MAML2: variants seen among roughly 807,000 people sequenced by gnomAD.
MAML2 encodes the protein mastermind like transcriptional coactivator 2, also known as mastermind-like protein 2.
In MAML2, 22 loss-of-function variants were observed where a neutral mutation model predicts 96.1. The observed-to-expected ratio is 0.23, with a 90% CI of 0.16 to 0.33. MAML2 has a LOEUF of 0.33. Ranked by LOEUF, MAML2 falls within the 10% of genes least tolerant of loss-of-function variation. MAML2 has a pLI of 1.00. For synonymous variants in MAML2, 561 were observed against 521.3 expected (o/e 1.08, Z -1.04); for missense variants, 1,367 against 1,392.4 (o/e 0.98, Z 0.29).
At chr11:96,002,108 C>A (rs1858087028) in intron 2 of MAML2, among the ~76,000 whole-genome samples, 1 of 152,112 alleles carries the variant, frequency 6.6e-6, no homozygotes, top group South Asian at 2.1e-4. Flanking sequence ...AGTACTGGCC[C>A]ATTAGGCAGC....
At chr11:96,116,912 G>A (rs1413403876) in intron 1 of MAML2, among the ~76,000 whole-genome samples, 1 of 152,196 alleles carries the variant, frequency 6.6e-6, no homozygotes, top group Non-Finnish European at 1.5e-5. Flanking sequence ...AAGCTAAGTA[G>A]CGTTTTATAA....
intron 1 of MAML2, among the ~76,000 whole-genome samples, chr11:96,094,383 G>A (rs1405312617): frequency 6.6e-6 from 1 of 152,132 alleles, no homozygotes; most frequent in Admixed American, 6.5e-5. Flanking sequence ...AGAAAATGGG[G>A]ACAATAGCAC....
intron 1 of MAML2, among the ~76,000 whole-genome samples, chr11:96,112,776 C>G (rs186764980): frequency 1.3e-5 from 2 of 152,312 alleles, no homozygotes; most frequent in African/African-American, 4.8e-5. Flanking sequence ...ACTGATAATA[C>G]AGGCTTGATT....
chr11:96,221,054 T>G (rs1209542394), intron 1 of MAML2, among the ~76,000 whole-genome samples: 1 of 152,220 alleles, frequency 6.6e-6, no homozygotes, highest in South Asian at 2.1e-4. Context: ...TATTGAGCAC[T>G]GAGGAGATGT....
intron 1 of MAML2, among the ~76,000 whole-genome samples, chr11:96,282,016 G>C (rs1037938528): frequency 6.6e-6 from 1 of 152,190 alleles, no homozygotes; most frequent in African/African-American, 2.4e-5. Context: ...TTGGGAGGCC[G>C]AGGCAGGCGG....
At position 96,342,250 on chromosome 11, in the gene MAML2, C is replaced by G. The variant is rs1864008506; in HGVS notation, c.-355G>C. On this transcript the variant is annotated 5_prime_UTR_variant, in exon 1 of 5. Transcript: ENST00000524717. Reference sequence around the variant, plus strand: ...ACTAGGTACTTTGTAAACACACGATCTGGGGGTTAGATCAAGAATTCAGGG... The same window carrying G: ...ACTAGGTACTTTGTAAACACACGATGTGGGGGTTAGATCAAGAATTCAGGG... 2.3e-6 allele frequency: 1 copy of G among 442,022 alleles called. No individual in the cohort carries two copies. Among genetic ancestry groups the G allele is most frequent in the Non-Finnish European group, 4.0e-6 (1 of 250,664 alleles). The allele number at this position is 442,022 out of a possible 1,614,324, so 27.4% of individuals were successfully genotyped here.
chr11:96,277,347 A>T (rs780914491), intron 1 of MAML2, among the ~76,000 whole-genome samples: 25 of 135,356 alleles, frequency 1.8e-4, no homozygotes, highest in Admixed American at 5.5e-4. Flanking sequence ...TGTCACCTCG[A>T]GTATTTACCA....
intron 1 of MAML2, among the ~76,000 whole-genome samples, chr11:96,170,411 GA>G (rs1299317285): frequency 1.3e-5 from 2 of 152,106 alleles, no homozygotes; most frequent in African/African-American, 4.8e-5. Flanking sequence ...TCATACCAGC[GA>G]AAAGCACAGA....
chr11:95,985,370 C>A (rs562440904), intron 4 of MAML2, among the ~76,000 whole-genome samples, 161 bp downstream of exon 4: 2 of 152,066 alleles, frequency 1.3e-5, no homozygotes, highest in Admixed American at 6.6e-5. Context: ...GATGAAAGGA[C>A]TAAAAAATAT....
chr11:96,069,221 T>A (rs1859299719), intron 2 of MAML2, among the ~76,000 whole-genome samples: 1 of 152,082 alleles, frequency 6.6e-6, no homozygotes, highest in Non-Finnish European at 1.5e-5. Flanking sequence ...AGCCACTGAG[T>A]CTGGCCTATT....
chr11:96,251,520 G>A (rs1311138631), intron 1 of MAML2, among the ~76,000 whole-genome samples: 1 of 152,164 alleles, frequency 6.6e-6, no homozygotes, highest in African/African-American at 2.4e-5. Flanking sequence ...GAAACTGCCT[G>A]TATTGTTATT....
At chr11:96,153,569 G>T (rs1860961688) in intron 1 of MAML2, among the ~76,000 whole-genome samples, 1 of 152,146 alleles carries the variant, frequency 6.6e-6, no homozygotes, top group African/African-American at 2.4e-5. Flanking sequence ...TTTACCCAAA[G>T]CAAGTGAGGT....
intron 2 of MAML2, among the ~76,000 whole-genome samples, chr11:96,059,568 T>C (rs953757847): frequency 6.6e-6 from 1 of 152,170 alleles, no homozygotes; most frequent in South Asian, 2.1e-4. Context: ...TTATCTGAAA[T>C]ACTAGGGACC....
In MAML2 at chr11:95,979,011, C is replaced by T. The variant is rs769776359; in HGVS notation, c.3408G>A (p.Glu1136=). 1.1e-5 allele frequency: 17 copies of T among 1,613,806 alleles called. No homozygotes were observed. The highest frequency in any genetic ancestry group is 1.4e-5 in the Non-Finnish European group (16 of 1,179,876). ...ADFIDSLLKT[E]PGNDDWMKDI... Reference sequence around the variant, plus strand: ...CTTTCATCCAGTCATCATTACCAGGCTCTGTCTTCAATAAAGAATCAATGA... The same window carrying T: ...CTTTCATCCAGTCATCATTACCAGGTTCTGTCTTCAATAAAGAATCAATGA... The change falls in exon 5 of 5, where the codon GAG becomes GAA. Residue 1136 remains glutamate, a synonymous_variant. Coordinates refer to ENST00000524717, the MANE Select transcript of MAML2 (RefSeq NM_032427.4).
At chr11:96,328,410 C>G (rs1048417103) in intron 1 of MAML2, among the ~76,000 whole-genome samples, 1 of 151,916 alleles carries the variant, frequency 6.6e-6, no homozygotes, top group Non-Finnish European at 1.5e-5. Context: ...CTACTCTCAG[C>G]TTGAATGAAA....
intron 1 of MAML2, among the ~76,000 whole-genome samples, chr11:96,288,632 G>T (rs1464806352): frequency 4.0e-5 from 6 of 151,632 alleles, no homozygotes; most frequent in Admixed American, 1.3e-4. Flanking sequence ...AGCAACAAAT[G>T]GTAATACCAT....
intron 1 of MAML2, among the ~76,000 whole-genome samples, chr11:96,148,696 ACACACACACACAT>A (rs1713445081): frequency 6.7e-6 from 1 of 149,274 alleles, no homozygotes; most frequent in South Asian, 2.1e-4. Flanking sequence ...ACACACACAC[ACACACACACACAT>A]AAGCACGCAC....
At chr11:96,250,433 G>A (rs1438110184) in intron 1 of MAML2, among the ~76,000 whole-genome samples, 1 of 152,114 alleles carries the variant, frequency 6.6e-6, no homozygotes, top group East Asian at 1.9e-4. Flanking sequence ...CTTCTAGCTA[G>A]TTGAAACAAT....
intron 1 of MAML2, among the ~76,000 whole-genome samples, chr11:96,150,271 C>A (rs1460802782): frequency 6.6e-6 from 1 of 152,190 alleles, no homozygotes; most frequent in South Asian, 2.1e-4. Context: ...CCTGCTCTCA[C>A]GAAGCTCAGC....
Sources: allele counts gnomAD v4.1 joint callset (sites outside exome capture counted in the v4.1 genomes callset), GRCh38; gene constraint gnomAD v4.1.1; transcripts MANE v1.5; gene names NCBI Gene and HGNC (gene_info 2026-07-23, HGNC 2026-07-21).